Variants in ALDH1L1 observed in about 807,000 individuals in gnomAD.
ALDH1L1 encodes aldehyde dehydrogenase 1 family member L1.
ALDH1L1 carries 68 observed loss-of-function variants against 101.1 expected under a neutral mutation model. The ratio of observed to expected loss-of-function variants is 0.67; its 90% confidence interval spans 0.55 to 0.82. The LOEUF is 0.82. Ranked by LOEUF, ALDH1L1 falls within the 40% of genes least tolerant of loss-of-function variation. The pLI is 0.00. For synonymous variants in ALDH1L1, 486 were observed against 470.8 expected (o/e 1.03, Z -0.42); for missense variants, 1,087 against 1,172.7 (o/e 0.93, Z 1.07).
At position 126,174,176 on chromosome 3, in the gene ALDH1L1, T is replaced by TTACAGGCA. The variant is rs571807948; in HGVS notation, c.-24+6292_-24+6299dup. The stretch of plus-strand genomic sequence containing the variant: ...GCCTCAGCCGCCCGAGTAGCTAGGA[T>TTACAGGCA]TACAGGCATGCACCACCACGTCCGG... On this transcript the variant is annotated intron_variant, in intron 1 of 22. Coordinates refer to ENST00000393434, the MANE Select transcript of ALDH1L1 (RefSeq NM_012190.4). Among the ~76,000 whole-genome samples the TTACAGGCA allele has an allele frequency of 8.8e-3, 1,347 of 152,262 alleles. 67 individuals carry two copies. Among genetic ancestry groups the TTACAGGCA allele is most frequent in the Admixed American group, 0.073 (1,109 of 15,288 alleles).
intron 9 of ALDH1L1, among the ~76,000 whole-genome samples, chr3:126,143,751 C>T (rs899120184): frequency 4.6e-5 from 7 of 151,982 alleles, no homozygotes; most frequent in African/African-American, 1.2e-4. Context: ...AAAATCAGCC[C>T]GGGCAACATA....
Position 126,180,482 on chromosome 3 carries a change from C to T in ALDH1L1, c.-30G>A, listed in dbSNP as rs2081455482. On this transcript the variant is annotated 5_prime_UTR_variant, in exon 1 of 23. Transcript: ENST00000393434. ...CGAGAGCCCAGAAACTCACCGCGCG[C>T]AGGAGTTGGTGCGGGCGTCCCGGGC... 3 of 995,474 alleles carry T rather than the reference C, an allele frequency of 3.0e-6. No individual in the cohort carries two copies. The highest frequency in any genetic ancestry group is 3.6e-6 in the Non-Finnish European group (3 of 835,748). The allele number at this position is 995,474 out of a possible 1,614,324, so 61.7% of individuals were successfully genotyped here.
intron 15 of ALDH1L1, among the ~76,000 whole-genome samples, chr3:126,125,045 G>T (rs1411804747): frequency 6.6e-6 from 1 of 152,146 alleles, no homozygotes. Context: ...ATGTACAGAT[G>T]GAGAAACTGA....
chr3:126,150,316 G>A (rs985427625), intron 8 of ALDH1L1, 90 bp downstream of exon 8: 42 of 1,486,542 alleles, frequency 2.8e-5, no homozygotes, highest in Middle Eastern at 2.4e-4. Flanking sequence ...GAGGGCTGGC[G>A]CTGCCCAACT....
In ALDH1L1 at chr3:126,155,516, A is replaced by G. The variant is rs1271798907; in HGVS notation, c.529-13T>C. 5.6e-6 allele frequency: 9 copies of G among 1,604,604 alleles called. No individual in the cohort carries two copies. The highest frequency in any genetic ancestry group is 6.8e-6 in the Non-Finnish European group (8 of 1,175,994). ...TCACGGCCTGCACCTGGGGAGATCCAGTGGGTTGCTATCCCCAGCAATAGG... is the reference window on the plus strand; with the variant it reads ...TCACGGCCTGCACCTGGGGAGATCCGGTGGGTTGCTATCCCCAGCAATAGG... On this transcript the variant is annotated splice_polypyrimidine_tract_variant and intron_variant, in intron 4 of 22. Transcript: ENST00000393434.
intron 1 of ALDH1L1, among the ~76,000 whole-genome samples, chr3:126,162,706 T>G (rs1005340707): frequency 1.3e-5 from 2 of 152,214 alleles, no homozygotes; most frequent in African/African-American, 2.4e-5. Context: ...ATAGTACATT[T>G]TATCAAACAT....
intron 1 of ALDH1L1, among the ~76,000 whole-genome samples, chr3:126,168,784 C>G (rs9822936): frequency 6.6e-6 from 1 of 152,072 alleles, no homozygotes; most frequent in Admixed American, 6.5e-5. Context: ...AGGAATAATA[C>G]TAACATATGT....
At chr3:126,151,176 T>C (rs115632507) in intron 7 of ALDH1L1, 4 of 152,146 alleles carry the variant, frequency 2.6e-5, no homozygotes, top group African/African-American at 9.7e-5. Flanking sequence ...AAAGAAAACG[T>C]CATTCAGGCA....
At chr3:126,130,331 G>T in intron 13 of ALDH1L1, 38 bp from the exon 14 acceptor site, 1 of 1,547,880 alleles carries the variant, frequency 6.5e-7, no homozygotes, top group Non-Finnish European at 8.7e-7. Flanking sequence ...AGGGGCCCAG[G>T]GTCCACACCC....
In ALDH1L1 at chr3:126,136,892, A is replaced by G; in HGVS notation, c.1225-9T>C. The G allele has an allele frequency of 6.2e-7, 1 of 1,613,610 alleles. No homozygotes were observed. The highest frequency in any genetic ancestry group is 8.5e-7 in the Non-Finnish European group (1 of 1,179,846). On this transcript the variant is annotated splice_polypyrimidine_tract_variant and intron_variant, in intron 10 of 22. Coordinates refer to ENST00000393434, the MANE Select transcript of ALDH1L1 (RefSeq NM_012190.4). Reference sequence around the variant, plus strand: ...TTCACTGCCATTTCCACCTGAAAGAAAGGCCCCAGTGACAAGCACAAACCC... The same window carrying G: ...TTCACTGCCATTTCCACCTGAAAGAGAGGCCCCAGTGACAAGCACAAACCC...
chr3:126,128,588 G>C (rs1040411296), intron 14 of ALDH1L1: 15 of 152,322 alleles, frequency 9.8e-5, no homozygotes, highest in African/African-American at 3.4e-4. Context: ...CTGCCAGGCA[G>C]AGACCATTAG....
chr3:126,158,762 C>A, intron 2 of ALDH1L1, 123 bp from the exon 3 acceptor site: 1 of 890,888 alleles, frequency 1.1e-6, no homozygotes. Flanking sequence ...ACCCACACCC[C>A]AGCCAGGCTC....
intron 14 of ALDH1L1, 196 bp downstream of exon 14, chr3:126,130,027 A>C: frequency 2.1e-6 from 1 of 469,488 alleles, no homozygotes; most frequent in Non-Finnish European, 3.6e-6. Context: ...ATCCAGTGTT[A>C]CTGGGAGATT....
chr3:126,105,639 T>G, intron 22 of ALDH1L1, 87 bp downstream of exon 22: 40 of 1,453,172 alleles, frequency 2.8e-5, no homozygotes, highest in Non-Finnish European at 3.6e-5. Flanking sequence ...TCCCTGCATC[T>G]GAGATAGGAC....
chr3:126,167,439 C>T (rs1258777536), intron 1 of ALDH1L1, among the ~76,000 whole-genome samples: 1 of 152,104 alleles, frequency 6.6e-6, no homozygotes, highest in African/African-American at 2.4e-5. Context: ...CAAACATATT[C>T]ATCGCTTTAA....
At chr3:126,105,958 G>A in intron 21 of ALDH1L1, 33 bp from the exon 22 acceptor site, 1 of 1,604,368 alleles carries the variant, frequency 6.2e-7, no homozygotes. Context: ...ACTCCCTGAG[G>A]GAGGTGCAGA....
chr3:126,146,752 T>A, intron 9 of ALDH1L1, 83 bp downstream of exon 9: 1 of 1,453,162 alleles, frequency 6.9e-7, no homozygotes, highest in Non-Finnish European at 9.5e-7. Context: ...TAACAAATGG[T>A]TGTTTCCTGC....
intron 6 of ALDH1L1, 34 bp from the exon 7 acceptor site, chr3:126,153,615 T>G (rs765325322): frequency 6.3e-7 from 1 of 1,596,356 alleles, no homozygotes; most frequent in Non-Finnish European, 8.5e-7. Flanking sequence ...AGATGGTGGG[T>G]GAGAAGAAGC....
Position 126,118,074 on chromosome 3 carries a change from G to C in ALDH1L1, c.1913C>G (p.Ser638Ter). ...GSGSLVGQRL[S>*]DHPDVRKIGF... ...GATTTTCCTCACATCAGGATGGTCT[G>C]AGAGTCTCTGGCCGACCAGGGAGCC... The change falls in exon 17 of 23, where the codon TCA becomes TGA. Residue 638 changes from serine (S) to a stop codon, truncating the protein, a stop_gained. Coordinates refer to ENST00000393434, the MANE Select transcript of ALDH1L1 (RefSeq NM_012190.4). LOFTEE classifies it high-confidence loss of function. The C allele has an allele frequency of 6.2e-7, 1 of 1,613,914 alleles. No homozygotes were observed. Among genetic ancestry groups the C allele is most frequent in the Non-Finnish European group, 8.5e-7 (1 of 1,179,962 alleles).
Sources: gnomAD v4.1 joint callset for allele counts (sites outside exome capture counted in the v4.1 genomes callset) on GRCh38, gnomAD v4.1.1 for gene constraint, MANE v1.5 for transcripts, NCBI Gene and HGNC (gene_info 2026-07-23, HGNC 2026-07-21) for gene names.